Variants in STX18 observed in about 807,000 individuals in gnomAD.
The protein encoded by STX18 is syntaxin 18.
Under a neutral mutation model 50.1 loss-of-function variants are expected in STX18, and 40 were observed. The ratio of observed to expected loss-of-function variants is 0.80; its 90% CI spans 0.62 to 1.04. STX18 has a LOEUF of 1.04. Among genes scored for constraint, STX18 ranks in the 50% least tolerant of loss-of-function variants. STX18 has a pLI of 0.00. For synonymous variants in STX18, 158 were observed against 151.8 expected (o/e 1.04, Z -0.30); for missense variants, 410 against 415.8 (o/e 0.99, Z 0.12).
chr4:4,449,214 T>G (rs1726611695), intron 5 of STX18, among the ~76,000 whole-genome samples: 1 of 151,978 alleles, frequency 6.6e-6, no homozygotes, highest in South Asian at 2.1e-4. Context: ...ACCCAGCTAA[T>G]TTTTAAATTT....
chr4:4,437,341 G>A (rs1490067191), intron 6 of STX18, among the ~76,000 whole-genome samples: 1 of 152,124 alleles, frequency 6.6e-6, no homozygotes, highest in Non-Finnish European at 1.5e-5. Context: ...TCTCCCAGGG[G>A]CTAGAGCCTT....
intron 1 of STX18, among the ~76,000 whole-genome samples, chr4:4,495,568 T>C (rs747261332): frequency 3.0e-4 from 30 of 101,500 alleles, no homozygotes; most frequent in East Asian, 2.1e-3. Flanking sequence ...CTTTTCTTTT[T>C]TTTTTTTTTT....
chr4:4,421,593 T>TA (rs776629763), intron 9 of STX18, among the ~76,000 whole-genome samples: 2 of 152,118 alleles, frequency 1.3e-5, no homozygotes, highest in Non-Finnish European at 2.9e-5. Context: ...CCGCCACACT[T>TA]ACCATCCCTC....
At position 4,420,759 on chromosome 4, in the gene STX18, T is replaced by A. The variant is rs979443315; in HGVS notation, c.912+105A>T. ...CAATTTTGTGATCAGCCCCGTGAGC[T>A]CTGCCCAGCAAGGCTCCTGGGCAGC... On this transcript the variant is annotated intron_variant, in intron 10 of 10. Coordinates refer to ENST00000306200, the MANE Select transcript of STX18 (RefSeq NM_016930.4). This position sits in a 1 kb window ranked among gnomAD's most constrained non-coding sequence, Gnocchi z 4.3. The A allele has an allele frequency of 9.6e-7, 1 of 1,047,116 alleles. No individual in the cohort carries two copies. Among genetic ancestry groups the A allele is most frequent in the Admixed American group, 1.8e-5 (1 of 55,706 alleles). The allele number at this position is 1,047,116 out of a possible 1,614,324, so 64.9% of individuals were successfully genotyped here.
chr4:4,516,840 T>C (rs1730289858), intron 1 of STX18, among the ~76,000 whole-genome samples: 1 of 152,252 alleles, frequency 6.6e-6, no homozygotes, highest in Non-Finnish European at 1.5e-5. Context: ...GATGTTGTTA[T>C]ATAACAACAT....
intron 1 of STX18, among the ~76,000 whole-genome samples, chr4:4,529,890 T>A (rs1170164028): frequency 6.6e-6 from 1 of 152,188 alleles, no homozygotes; most frequent in African/African-American, 2.4e-5. Context: ...AAGACATCAA[T>A]GCAACATTTG....
At chr4:4,433,931 AC>A (rs2108783044) in intron 7 of STX18, among the ~76,000 whole-genome samples, 1 of 152,296 alleles carries the variant, frequency 6.6e-6, no homozygotes, top group East Asian at 1.9e-4. Flanking sequence ...TCTGGGCAAG[AC>A]CCTTTGCTGC....
chr4:4,504,406 G>A (rs1166804225), intron 1 of STX18, among the ~76,000 whole-genome samples: 1 of 152,058 alleles, frequency 6.6e-6, no homozygotes, highest in Non-Finnish European at 1.5e-5. Flanking sequence ...AATCTTAACT[G>A]AATATCTGTT....
At chr4:4,492,271 C>T (rs186157995) in intron 1 of STX18, among the ~76,000 whole-genome samples, 7 of 152,174 alleles carry the variant, frequency 4.6e-5, no homozygotes, top group African/African-American at 1.7e-4. Flanking sequence ...GAAATAAGAA[C>T]CTTCTTTCGA....
At chr4:4,487,792 G>A (rs1191463349) in intron 1 of STX18, among the ~76,000 whole-genome samples, 1 of 152,030 alleles carries the variant, frequency 6.6e-6, no homozygotes, top group South Asian at 2.1e-4. Context: ...CCAGGAATAC[G>A]CTCACTCTTT....
At chr4:4,440,873 G>A (rs908448393) in intron 5 of STX18, among the ~76,000 whole-genome samples, 1 of 152,152 alleles carries the variant, frequency 6.6e-6, no homozygotes, top group African/African-American at 2.4e-5. Context: ...CTGCTTCTGG[G>A]GTCAGGAATT....
At chr4:4,428,037 G>A (rs1725340631) in intron 7 of STX18, among the ~76,000 whole-genome samples, 1 of 152,230 alleles carries the variant, frequency 6.6e-6, no homozygotes, top group African/African-American at 2.4e-5. Context: ...TAAGGAGGCT[G>A]GCAGGGCCCA....
chr4:4,501,420 G>C (rs1214779151), intron 1 of STX18, among the ~76,000 whole-genome samples: 1 of 152,116 alleles, frequency 6.6e-6, no homozygotes, highest in African/African-American at 2.4e-5. Context: ...TTTAAAAACA[G>C]TAAACAACAT....
In STX18 at chr4:4,420,246, G is replaced by C. The variant is rs555837844; in HGVS notation, c.913-117C>G. 5.3e-6 allele frequency: 4 copies of C among 751,936 alleles called. No individual in the cohort carries two copies. The highest frequency in any genetic ancestry group is 5.4e-5 in the East Asian group (2 of 37,012). 46.6% of individuals were successfully genotyped at this position (751,936 alleles called of 1,614,324 possible). A position where few individuals can be genotyped will look rare whatever the true frequency, so the allele number is the denominator to read the frequency against. ...GATCCTGGCTGTAACTATGGGTGTC[G>C]TTCCATCTGTGCTTACCTTGAATAG... On this transcript the variant is annotated intron_variant, in intron 10 of 10. Transcript: ENST00000306200. This position sits in a 1 kb window ranked among gnomAD's most constrained non-coding sequence, Gnocchi z 4.3.
intron 1 of STX18, among the ~76,000 whole-genome samples, chr4:4,483,471 C>A (rs1230482306): frequency 1.3e-5 from 2 of 152,212 alleles, no homozygotes; most frequent in African/African-American, 2.4e-5. Context: ...CCCCAACTTA[C>A]TAACTTCAAT....
intron 1 of STX18, among the ~76,000 whole-genome samples, chr4:4,486,864 A>C (rs2108857976): frequency 6.6e-6 from 1 of 152,288 alleles, no homozygotes; most frequent in African/African-American, 2.4e-5. Flanking sequence ...TCACTTTCTA[A>C]GAGGGGACTA....
chr4:4,541,182 A>G (rs1335502867), intron 1 of STX18, among the ~76,000 whole-genome samples: 1 of 152,192 alleles, frequency 6.6e-6, no homozygotes, highest in Non-Finnish European at 1.5e-5. Flanking sequence ...CCCTGCCCTT[A>G]AGGAAAAGGT....
rs756983028 is a variant in STX18 at position 4,420,019 on chromosome 4, C to T, written c.*15G>A. ...TGCCCATGAGGACTCTCGTGCTGGG[C>T]CCCCGTGGCCCTGGCTAGCTGTCGT... On this transcript the variant is annotated 3_prime_UTR_variant, in exon 11 of 11. Transcript: ENST00000306200. The surrounding 1 kb of genome is among the most constrained non-coding windows in gnomAD (Gnocchi z 4.3). 4.7e-5 allele frequency: 75 copies of T among 1,601,212 alleles called. No individual in the cohort carries two copies. Among genetic ancestry groups the T allele is most frequent in the Middle Eastern group, 1.7e-4 (1 of 5,830 alleles).
chr4:4,425,298 G>T, intron 7 of STX18, 76 bp from the exon 8 acceptor site: 1 of 1,357,344 alleles, frequency 7.4e-7, no homozygotes, highest in Non-Finnish European at 1.1e-6. Flanking sequence ...GCGGACCTAC[G>T]CTCCAGGAAT....
Sources: gnomAD v4.1 joint callset for allele counts (sites outside exome capture counted in the v4.1 genomes callset) on GRCh38, gnomAD v4.1.1 for gene constraint, Gnocchi (gnomAD v3.1) non-coding constraint, MANE v1.5 for transcripts, NCBI Gene and HGNC (gene_info 2026-07-23, HGNC 2026-07-21) for gene names.